The following GPS1 variants were observed in gnomAD, a reference collection of about 807,000 sequenced individuals.
The protein encoded by GPS1 is G protein pathway suppressor 1, also known as COP9 signalosome complex subunit 1.
GPS1 carries 11 observed loss-of-function variants against 60.0 expected under a neutral mutation model. That is an observed-to-expected ratio of 0.18 (90% confidence interval 0.12 to 0.30). The LOEUF is 0.30. Among genes scored for constraint, GPS1 ranks in the 10% least tolerant of loss-of-function variants. GPS1 has a pLI of 1.00. For missense variants in GPS1, 543 were observed against 669.2 expected, an observed-to-expected ratio of 0.81 and a Z score of 2.08; for synonymous variants, 343 against 269.8, an observed-to-expected ratio of 1.27 and a Z score of -2.66.
At chr17:82,055,570 C>G in intron 6 of GPS1, 170 bp from the exon 7 acceptor site, 1 of 614,548 alleles carries the variant, frequency 1.6e-6, no homozygotes, top group Non-Finnish European at 2.9e-6. Flanking sequence ...CTCTTTCCAC[C>G]CGTGACTAGA....
At position 82,056,837 on chromosome 17, in the gene GPS1, C is replaced by T. The variant is rs1174757267; in HGVS notation, c.1255-3C>T. ...GGGCCCCGCTGAGCTTGTGCCTGCA[C>T]AGATCCTATACGCCCGGGACGTGGA... On this transcript the variant is annotated splice_region_variant and splice_polypyrimidine_tract_variant and intron_variant, in intron 11 of 12. Transcript: ENST00000578552. 7 of 1,612,306 alleles carry T rather than the reference C, an allele frequency of 4.3e-6. No individual in the cohort carries two copies. The African/African-American group carries it at 5.3e-5, about 12-fold the overall frequency.
intron 5 of GPS1, 88 bp downstream of exon 5, chr17:82,055,063 G>C: frequency 6.3e-7 from 1 of 1,587,458 alleles, no homozygotes; most frequent in Non-Finnish European, 8.6e-7. Context: ...TTCTCCCCCA[G>C]ATCTGAATCT....
upstream of GPS1, chr17:82,051,746 C>T: frequency 4.6e-6 from 5 of 1,079,790 alleles, no homozygotes; most frequent in Non-Finnish European, 5.6e-6. The surrounding 1 kb of genome is among the most constrained non-coding windows in gnomAD (Gnocchi z 4.1). Flanking sequence ...CCCGGCACAG[C>T]GCCCCACGCG....
At chr17:82,056,154 C>A in intron 8 of GPS1, 59 bp downstream of exon 8, 1 of 1,474,016 alleles carries the variant, frequency 6.8e-7, no homozygotes, top group Non-Finnish European at 9.5e-7. Flanking sequence ...GTGGCTGCTG[C>A]TTCGGCCTTG....
At chr17:82,055,865 C>T in intron 7 of GPS1, 40 bp downstream of exon 7, 1 of 1,516,344 alleles carries the variant, frequency 6.6e-7, no homozygotes, top group Non-Finnish European at 9.0e-7. Context: ...AGAGCATGGG[C>T]TCATGGGTCA....
intron 5 of GPS1, 93 bp from the exon 6 acceptor site, chr17:82,055,069 A>T (rs763502350): frequency 6.3e-7 from 1 of 1,582,634 alleles, no homozygotes; most frequent in African/African-American, 1.4e-5. Context: ...CCCAGATCTG[A>T]ATCTGCCTTC....
rs541936561 is a variant in GPS1, at chr17:82,054,547, G to A, written c.346G>A (p.Gly116Ser). ...CGCACCCGACGCCATCCCTGAGAGCGGCGTGGAGCCCCCAGCCCTGGACAC... is the reference window on the plus strand; with the variant it reads ...CGCACCCGACGCCATCCCTGAGAGCAGCGTGGAGCCCCCAGCCCTGGACAC... ...QNAPDAIPES[G>S]VEPPALDTAW... The change falls in exon 4 of 13, where the codon GGC becomes AGC. Residue 116 changes from glycine (G) to serine (S), a missense_variant. Around this residue, in one of 3 missense-constraint regions of GPS1, gnomAD observed 181 missense variants for 188.8 expected, o/e 0.96. Transcript: ENST00000578552. 6.7e-5 allele frequency: 106 copies of A among 1,574,050 alleles called. No individual in the cohort carries two copies. The highest frequency in any genetic ancestry group is 1.1e-4 in the South Asian group (10 of 87,390).
At position 82,051,907 on chromosome 17, in the gene GPS1, C is replaced by T. The variant is rs1297185634; in HGVS notation, c.-25C>T. The stretch of plus-strand genomic sequence containing the variant: ...GCTTCGCTGCCCCGGAAGTGGACGG[C>T]ACGCCGCGGCGGGGTGGGTGCAAGA... On this transcript the variant is annotated 5_prime_UTR_variant, in exon 1 of 13. Transcript: ENST00000578552. The surrounding 1 kb of genome is among the most constrained non-coding windows in gnomAD (Gnocchi z 4.1). 4 of 1,161,362 alleles carry T rather than the reference C, an allele frequency of 3.4e-6. No individual in the cohort carries two copies. The highest frequency in any genetic ancestry group is 4.2e-6 in the Non-Finnish European group (4 of 941,574). The allele number at this position is 1,161,362 out of a possible 1,614,324, so 71.9% of individuals were successfully genotyped here.
chr17:82,057,379 C>A lies in GPS1; in HGVS notation c.*252C>A. 1 of 677,080 alleles carries A rather than the reference C, an allele frequency of 1.5e-6. No individual in the cohort carries two copies. Among genetic ancestry groups the A allele is most frequent in the Non-Finnish European group, 2.7e-6 (1 of 368,648 alleles). 41.9% of individuals were successfully genotyped at this position (677,080 alleles called of 1,614,324 possible). A position where few individuals can be genotyped will look rare whatever the true frequency, so the allele number is the denominator to read the frequency against. On this transcript the variant is annotated 3_prime_UTR_variant, in exon 13 of 13. Coordinates refer to ENST00000578552, the MANE Select transcript of GPS1 (RefSeq NM_001321092.3). ...GGGAGCAGACTGTGCGGCACCCAGG[C>A]CCAGTGGCACCATTTCCCAGACCCC...
chr17:82,055,084 CCT>C (rs771228447), intron 5 of GPS1, 76 bp from the exon 6 acceptor site: 13 of 1,573,560 alleles, frequency 8.3e-6, no homozygotes, highest in South Asian at 1.1e-5. Flanking sequence ...GCCTTCATCC[CCT>C]CTCAGTCTGG....
At chr17:82,053,778 G>T in intron 2 of GPS1, 90 bp from the exon 3 acceptor site, 1 of 1,312,742 alleles carries the variant, frequency 7.6e-7, no homozygotes. Context: ...TTCTGGCTAG[G>T]ACAGTCAGGC....
chr17:82,051,727 C>T, upstream of GPS1: 2 of 1,059,078 alleles, frequency 1.9e-6, no homozygotes, highest in Non-Finnish European at 2.3e-6. The surrounding 1 kb of genome is among the most constrained non-coding windows in gnomAD (Gnocchi z 4.1). Context: ...GCGGCCAGCG[C>T]GAGGCAGGCC....
rs746079651 is a variant in GPS1 at position 82,053,901 on chromosome 17, C to T, written c.160C>T (p.Leu54=). ...LEQYAASYSG[L]MRIERLQFIA... ...ACAGTACGCGGCCAGCTACAGCGGC[C>T]TGATGCGCATCGAACGGCTGCAGTT... The change falls in exon 3 of 13, where the codon CTG becomes TTG. Residue 54 remains leucine (L), a synonymous_variant. Transcript: ENST00000578552. The T allele has an allele frequency of 3.1e-6, 5 of 1,612,440 alleles. No homozygotes were observed. In the East Asian group the frequency reaches 1.1e-4, roughly 36 times the overall value.
Position 82,056,989 on chromosome 17 carries a change from G to T in GPS1, c.1389+15G>T. The T allele has an allele frequency of 5.0e-6, 8 of 1,594,936 alleles. No homozygotes were observed. The highest frequency in any genetic ancestry group is 6.9e-6 in the Non-Finnish European group (8 of 1,165,248). On this transcript the variant is annotated intron_variant, in intron 12 of 12. Coordinates refer to ENST00000578552, the MANE Select transcript of GPS1 (RefSeq NM_001321092.3). ...TCCATGTCAAGGTGGGCTGGCTTGA[G>T]GGGGGGCAGGCGCACGGCGTGTGGG...
At chr17:82,052,702 C>T (rs1366529060) in intron 1 of GPS1, 5 of 552,818 alleles carry the variant, frequency 9.0e-6, no homozygotes, top group Non-Finnish European at 1.6e-5. Context: ...GCTTTTCCAG[C>T]CTGCTTTGTG....
At position 82,054,056 on chromosome 17, in the gene GPS1, C is replaced by T. The variant is rs368242196; in HGVS notation, c.308+7C>T. ...AGCTCTCAGAGGCCACCAGGTGAGGCCAGGGGCTTGGCGAGAGGAAGCAGA... is the reference window on the plus strand; with the variant it reads ...AGCTCTCAGAGGCCACCAGGTGAGGTCAGGGGCTTGGCGAGAGGAAGCAGA... On this transcript the variant is annotated splice_region_variant and intron_variant, in intron 3 of 12. Coordinates refer to ENST00000578552, the MANE Select transcript of GPS1 (RefSeq NM_001321092.3). 2 of 1,604,450 alleles carry T rather than the reference C, an allele frequency of 1.2e-6. No homozygotes were observed. Among genetic ancestry groups the T allele is most frequent in the African/African-American group, 2.7e-5 (2 of 74,794 alleles).
chr17:82,052,113 G>T (rs1598477612), intron 1 of GPS1, 149 bp downstream of exon 1: 2 of 832,974 alleles, frequency 2.4e-6, no homozygotes, highest in Non-Finnish European at 3.0e-6. Flanking sequence ...CGCGTCGGGG[G>T]CTGCAGGGCC....
rs1408263183 is a variant in GPS1 at position 82,054,532 on chromosome 17, G to A, written c.331G>A (p.Ala111Thr). Residue 111 changes from alanine to threonine, a missense_variant, in exon 4 of 13, where the codon GCC (alanine) becomes ACC (threonine). Around this residue, in one of 3 missense-constraint regions of GPS1, gnomAD observed 181 missense variants for 188.8 expected, o/e 0.96. Transcript: ENST00000578552. ...CAGGGAGCTGCAGAACGCACCCGAC[G>A]CCATCCCTGAGAGCGGCGTGGAGCC... is the stretch of plus-strand genomic sequence containing the variant. Reference protein sequence around the residue: ...ATRELQNAPDAIPESGVEPPA... With the variant: ...ATRELQNAPDTIPESGVEPPA... 3.2e-6 allele frequency: 5 copies of A among 1,555,768 alleles called. No individual in the cohort carries two copies. The highest frequency in any genetic ancestry group is 4.3e-6 in the Non-Finnish European group (5 of 1,151,924).
chr17:82,053,852 C>G lies in GPS1; in HGVS notation c.127-16C>G. 6.3e-7 allele frequency: 1 copy of G among 1,598,310 alleles called. No homozygotes were observed. The highest frequency in any genetic ancestry group is 8.5e-7 in the Non-Finnish European group (1 of 1,172,374). On this transcript the variant is annotated splice_polypyrimidine_tract_variant and intron_variant, in intron 2 of 12. Transcript: ENST00000578552. ...GCCTCCCATCCTGCCTGACTCTTGT[C>G]TGTGCCTGCTCCCAGGATCTGGAAC...
Sources: gnomAD v4.1 joint callset for allele counts on GRCh38, gnomAD v4.1.1 for gene constraint, gnomAD v4.1.1 regional missense constraint, Gnocchi (gnomAD v3.1) non-coding constraint, MANE v1.5 for transcripts, NCBI Gene and HGNC (gene_info 2026-07-23, HGNC 2026-07-21) for gene names.